Variants in VPS72 observed in about 807,000 individuals in gnomAD.
The protein encoded by VPS72 is vacuolar protein sorting 72 homolog.
A neutral mutation model predicts 38.9 loss-of-function variants in VPS72; 27 were observed. The ratio of observed to expected loss-of-function variants is 0.69; its 90% CI spans 0.51 to 0.96. The LOEUF is 0.96. Ranked by LOEUF, VPS72 falls within the 40% of genes least tolerant of loss-of-function variation. The pLI, the probability that VPS72 is intolerant of heterozygous loss-of-function variation, is 0.00. For synonymous variants in VPS72, 173 were observed against 186.3 expected (o/e 0.93, Z 0.58); for missense variants, 360 against 479.5 (o/e 0.75, Z 2.33).
At chr1:151,179,594 G>A (rs796664767) in intron 4 of VPS72, among the ~76,000 whole-genome samples, 11 of 150,618 alleles carry the variant, frequency 7.3e-5, no homozygotes, top group Non-Finnish European at 1.0e-4. Flanking sequence ...GTGAGACTCC[G>A]TCTCAAAAAA....
Position 151,185,515 on chromosome 1 carries a change from C to G in VPS72, c.376G>C (p.Gly126Arg). 1 of 1,614,086 alleles carries G rather than the reference C, an allele frequency of 6.2e-7. No individual in the cohort carries two copies. The highest frequency in any genetic ancestry group is 8.5e-7 in the Non-Finnish European group (1 of 1,179,986). The part of the protein sequence containing the change: ...ALLPLELQDD[G>R]SDSRKSMRQS... Reference sequence around the variant, plus strand: ...TAACATCCCTACTCACTGTCAGAGCCGTCATCTTGTAGTTCTAATGGCAGT... The same window carrying G: ...TAACATCCCTACTCACTGTCAGAGCGGTCATCTTGTAGTTCTAATGGCAGT... The change falls in exon 3 of 6, where the codon GGC becomes CGC. Residue 126 changes from glycine (G) to arginine (R), a missense_variant. Physicochemically the swap from Gly to Arg is moderately radical, Grantham distance 125 (BLOSUM62 -2). This residue lies in a region of VPS72 where 294 missense variants were observed against 356.3 expected (regional missense o/e 0.83). Transcript: ENST00000368892.
At chr1:151,185,450 T>C (rs587713651) in intron 3 of VPS72, 56 bp downstream of exon 3, 1 of 1,531,608 alleles carries the variant, frequency 6.5e-7, no homozygotes, top group African/African-American at 1.4e-5. Context: ...AACACTGATA[T>C]GATACTTTAT....
At chr1:151,186,030 T>C in intron 1 of VPS72, 80 bp from the exon 2 acceptor site, 1 of 1,537,550 alleles carries the variant, frequency 6.5e-7, no homozygotes. Context: ...CTCTCGACTT[T>C]CTTGATAAGG....
At chr1:151,181,610 T>G (rs1684241528) in intron 4 of VPS72, among the ~76,000 whole-genome samples, 1 of 152,170 alleles carries the variant, frequency 6.6e-6, no homozygotes, top group East Asian at 1.9e-4. Context: ...GTCACTCTCC[T>G]GTCAATAATT....
At chr1:151,181,300 C>T (rs891581474) in intron 4 of VPS72, among the ~76,000 whole-genome samples, 7 of 149,208 alleles carry the variant, frequency 4.7e-5, no homozygotes, top group African/African-American at 1.5e-4. Flanking sequence ...TGTAGCGACA[C>T]GATCTCCACT....
At chr1:151,177,910 T>A in intron 5 of VPS72, 91 bp downstream of exon 5, 1 of 1,427,156 alleles carries the variant, frequency 7.0e-7, no homozygotes, top group South Asian at 1.3e-5. Flanking sequence ...CTCCAAGTGT[T>A]AAGGAGAGCT....
intron 1 of VPS72, 151 bp from the exon 2 acceptor site, chr1:151,186,101 GC>G (rs1251501445): frequency 1.0e-6 from 1 of 962,202 alleles, no homozygotes; most frequent in Non-Finnish European, 1.5e-6. Flanking sequence ...AAACTTTCTA[GC>G]TAATGGCCTT....
rs921283144 is a variant in VPS72 at position 151,190,193 on chromosome 1, T to A, written c.-72A>T. 14 of 1,541,070 alleles carry A rather than the reference T, an allele frequency of 9.1e-6. No individual in the cohort carries two copies. The African/African-American group carries it at 1.6e-4, about 18-fold the overall frequency. On this transcript the variant is annotated 5_prime_UTR_variant, in exon 1 of 6. It removes an upstream start codon present in the reference 5' UTR. Transcript: ENST00000368892. ...GGTTTTGGGAGCTCGACGCTCGACA[T>A]CACTACCTGCGGGTGGCCACCAGCG...
chr1:151,183,712 T>C (rs587628840), intron 4 of VPS72, among the ~76,000 whole-genome samples: 1 of 152,264 alleles, frequency 6.6e-6, no homozygotes, highest in East Asian at 1.9e-4. Flanking sequence ...TCCACCCACC[T>C]TGGCCTCCCA....
chr1:151,178,214 C>A, intron 4 of VPS72, 69 bp from the exon 5 acceptor site: 1 of 1,515,570 alleles, frequency 6.6e-7, no homozygotes, highest in East Asian at 2.4e-5. Context: ...CAGTACTGTC[C>A]CACGATCTCT....
At chr1:151,182,346 C>T (rs780241432) in intron 4 of VPS72, among the ~76,000 whole-genome samples, 1 of 152,010 alleles carries the variant, frequency 6.6e-6, no homozygotes, top group African/African-American at 2.4e-5. Flanking sequence ...TTTCTTTCTC[C>T]CTTCCCCCAT....
At chr1:151,188,586 T>C (rs1013954703) in intron 1 of VPS72, among the ~76,000 whole-genome samples, 5 of 152,224 alleles carry the variant, frequency 3.3e-5, no homozygotes, top group African/African-American at 9.6e-5. Flanking sequence ...GTCTCCTTCA[T>C]GCTCTGGAGA....
chr1:151,182,751 A>C (rs1217825368), intron 4 of VPS72, among the ~76,000 whole-genome samples: 1 of 152,198 alleles, frequency 6.6e-6, no homozygotes, highest in Non-Finnish European at 1.5e-5. Flanking sequence ...CATTTTTAAC[A>C]CAAACTCTCC....
chr1:151,189,945 T>C lies in VPS72; in HGVS notation c.117+60A>G, dbSNP rs934080850. ...CGCCCTCTTCTTCTTTGTCCGGGGT[T>C]TCTCCCTTCAGGGCTCCTCTTTGCC... On this transcript the variant is annotated intron_variant, in intron 1 of 5. Transcript: ENST00000368892. The C allele has an allele frequency of 1.9e-6, 3 of 1,575,556 alleles. No individual in the cohort carries two copies. In the African/African-American group the frequency reaches 4.1e-5, roughly 21 times the overall value.
intron 5 of VPS72, among the ~76,000 whole-genome samples, chr1:151,177,339 C>T (rs587621505): frequency 1.2e-4 from 18 of 147,260 alleles, no homozygotes; most frequent in Admixed American, 8.3e-4. Flanking sequence ...GAACCAAGAT[C>T]GTGCCATTAC....
Position 151,187,653 on chromosome 1 carries a change from T to C in VPS72, c.118-1703A>G, listed in dbSNP as rs113204217. Among the ~76,000 whole-genome samples the C allele has an allele frequency of 4.4e-3, 667 of 152,340 alleles. 6 individuals carry two copies. Among genetic ancestry groups the C allele is most frequent in the African/African-American group, 0.015 (632 of 41,582 alleles). On this transcript the variant is annotated intron_variant, in intron 1 of 5. Transcript: ENST00000368892. ...CTATGAAAACCATTACTTTTTATAA[T>C]ATAAGGATATAATGATAAATGCTCC...
intron 5 of VPS72, among the ~76,000 whole-genome samples, chr1:151,177,362 G>A (rs898312610): frequency 2.0e-4 from 30 of 149,764 alleles, no homozygotes; most frequent in Admixed American, 1.9e-3. Flanking sequence ...TCCAGCCTGG[G>A]TGACAGAGCA....
At chr1:151,177,495 G>A (rs1246396816) in intron 5 of VPS72, among the ~76,000 whole-genome samples, 2 of 151,946 alleles carry the variant, frequency 1.3e-5, no homozygotes, top group African/African-American at 4.8e-5. Context: ...CTAAGTGACT[G>A]ATGGGAAAAG....
intron 3 of VPS72, 144 bp downstream of exon 3, chr1:151,185,362 G>A: frequency 4.1e-6 from 3 of 737,602 alleles, no homozygotes; most frequent in South Asian, 3.2e-5. Context: ...CTGACCTCAG[G>A]TGATCTACCC....
Sources: gnomAD v4.1 joint callset for allele counts (sites outside exome capture counted in the v4.1 genomes callset) on GRCh38, gnomAD v4.1.1 for gene constraint, gnomAD v4.1.1 regional missense constraint, MANE v1.5 for transcripts, NCBI Gene and HGNC (gene_info 2026-07-23, HGNC 2026-07-21) for gene names.